Variants in NTM observed in about 807,000 individuals in gnomAD.
NTM encodes the protein IgLON family member 2.
Under a neutral mutation model 42.1 loss-of-function variants are expected in NTM, and 13 were observed. The ratio of observed to expected loss-of-function variants is 0.31; its 90% CI spans 0.20 to 0.49. The LOEUF is 0.49. Among genes scored for constraint, NTM ranks in the 20% least tolerant of loss-of-function variants. NTM has a pLI of 0.99. For synonymous variants in NTM, 187 were observed against 179.2 expected (o/e 1.04, Z -0.35); for missense variants, 373 against 452.8 (o/e 0.82, Z 1.60).
At chr11:131,615,660 G>A (rs992962059) in intron 1 of NTM, among the ~76,000 whole-genome samples, 3 of 152,148 alleles carry the variant, frequency 2.0e-5, no homozygotes, top group East Asian at 1.9e-4. Flanking sequence ...GTGAGCCACC[G>A]CACCCGGCCG....
intron 1 of NTM, among the ~76,000 whole-genome samples, chr11:131,890,758 G>A (rs553279433): frequency 6.6e-6 from 1 of 152,288 alleles, no homozygotes; most frequent in African/African-American, 2.4e-5. Flanking sequence ...TGCTGCTGAT[G>A]GTGCCACCCG....
chr11:131,598,226 A>G (rs532558761), intron 1 of NTM, among the ~76,000 whole-genome samples: 1 of 152,362 alleles, frequency 6.6e-6, no homozygotes, highest in African/African-American at 2.4e-5. Flanking sequence ...GAGATGCCTC[A>G]AGGGAATATT....
chr11:132,297,744 T>C (rs1449437), intron 4 of NTM, among the ~76,000 whole-genome samples: 39,460 of 151,982 alleles, frequency 0.26, 5,348 homozygotes, highest in African/African-American at 0.33. Flanking sequence ...ATGGATTTGG[T>C]TCTGCACCAT....
At chr11:131,401,824 A>ATATATATATATATATGTGTG (rs1945226389) in intron 1 of NTM, among the ~76,000 whole-genome samples, 1 of 64,120 alleles carries the variant, frequency 1.6e-5, no homozygotes, top group African/African-American at 5.8e-5. Context: ...ATATATATAT[A>ATATATATATATATATGTGTG]TATATATATA....
intron 1 of NTM, among the ~76,000 whole-genome samples, chr11:131,629,391 C>G (rs1221872427): frequency 6.6e-6 from 1 of 152,202 alleles, no homozygotes; most frequent in Non-Finnish European, 1.5e-5. Context: ...CACCACTGTT[C>G]CCAGCTTGCA....
intron 3 of NTM, among the ~76,000 whole-genome samples, chr11:132,153,961 T>A (rs2072569180): frequency 6.6e-6 from 1 of 152,208 alleles, no homozygotes; most frequent in Non-Finnish European, 1.5e-5. Context: ...ATGAGGGTCT[T>A]CAATGGGCAG....
At chr11:131,554,962 A>G (rs2055201252) in intron 1 of NTM, among the ~76,000 whole-genome samples, 1 of 152,158 alleles carries the variant, frequency 6.6e-6, no homozygotes, top group African/African-American at 2.4e-5. Flanking sequence ...TAAGCAAAAC[A>G]AAAGACCTTA....
intron 1 of NTM, among the ~76,000 whole-genome samples, chr11:131,700,594 T>C (rs2075973191): frequency 6.6e-6 from 1 of 152,226 alleles, no homozygotes; most frequent in Non-Finnish European, 1.5e-5. Flanking sequence ...GCCAGGCACA[T>C]ATTAATCCAT....
intron 1 of NTM, among the ~76,000 whole-genome samples, chr11:131,832,961 T>C (rs2043011972): frequency 6.6e-6 from 1 of 152,234 alleles, no homozygotes; most frequent in Non-Finnish European, 1.5e-5. Context: ...AATTGTGAAC[T>C]AATTTGCTCA....
At chr11:131,560,058 A>G (rs2056022320) in intron 1 of NTM, among the ~76,000 whole-genome samples, 2 of 152,254 alleles carry the variant, frequency 1.3e-5, no homozygotes, top group Admixed American at 6.5e-5. Flanking sequence ...ACAGCAAGTT[A>G]AAAAATGATT....
intron 3 of NTM, among the ~76,000 whole-genome samples, chr11:132,178,765 T>C (rs1283686781): frequency 6.6e-6 from 1 of 152,084 alleles, no homozygotes; most frequent in Non-Finnish European, 1.5e-5. Flanking sequence ...AAAAATGAAG[T>C]GAAAAAGAAT....
Position 132,289,637 on chromosome 11 carries a change from AAG to A in NTM, c.527-18048_527-18047del, listed in dbSNP as rs1205872606. On this transcript the variant is annotated intron_variant, in intron 4 of 8. Transcript: ENST00000683400. ...ACTCCAGGGAAAAGTGGTGAGAAGA[AAG>A]AGAAGAAAAAATGTAATAGGTATTC... is the stretch of plus-strand genomic sequence containing the variant. 2.0e-5 allele frequency among the ~76,000 whole-genome samples: 3 copies of A among 152,338 alleles called. 1 individual carries two copies. The highest frequency in any genetic ancestry group is 6.8e-3 in the Middle Eastern group (2 of 294).
At chr11:132,333,648 AT>A (rs1180553344) in intron 8 of NTM, among the ~76,000 whole-genome samples, 1 of 152,186 alleles carries the variant, frequency 6.6e-6, no homozygotes, top group Non-Finnish European at 1.5e-5. Context: ...GAGAATAAGT[AT>A]CCCCTGGGCT....
At chr11:131,775,438 A>G (rs866585587) in intron 1 of NTM, among the ~76,000 whole-genome samples, 8 of 152,194 alleles carry the variant, frequency 5.3e-5, no homozygotes, top group Middle Eastern at 3.2e-3. Context: ...CAAAGATGAG[A>G]TGACATTTTG....
chr11:132,282,418 A>G (rs2094008187), intron 4 of NTM, among the ~76,000 whole-genome samples: 2 of 152,208 alleles, frequency 1.3e-5, no homozygotes, highest in South Asian at 4.1e-4. Flanking sequence ...GTTTACACAA[A>G]GACACATTTT....
intron 2 of NTM, among the ~76,000 whole-genome samples, chr11:132,016,656 T>TC (rs1249008861): frequency 6.6e-6 from 1 of 152,110 alleles, no homozygotes; most frequent in East Asian, 1.9e-4. Flanking sequence ...ATTGTGGAGA[T>TC]CCCTAGGAGT....
intron 2 of NTM, among the ~76,000 whole-genome samples, chr11:132,086,090 C>T (rs527709278): frequency 5.3e-5 from 8 of 151,922 alleles, no homozygotes; most frequent in East Asian, 3.9e-4. Context: ...TTTGGGAGGC[C>T]GAGGTGGGTG....
intron 2 of NTM, among the ~76,000 whole-genome samples, chr11:132,065,274 A>C (rs1024706475): frequency 6.6e-6 from 1 of 152,014 alleles, no homozygotes; most frequent in Non-Finnish European, 1.5e-5. Context: ...GCTGCCCCCA[A>C]CTCCTCACCA....
At chr11:131,913,884 G>A (rs938366634) in intron 2 of NTM, among the ~76,000 whole-genome samples, 1 of 152,192 alleles carries the variant, frequency 6.6e-6, no homozygotes, top group African/African-American at 2.4e-5. Flanking sequence ...GATTAGATGA[G>A]CTAGGGTCTG....
Sources: gnomAD v4.1 joint callset for allele counts (sites outside exome capture counted in the v4.1 genomes callset) on GRCh38, gnomAD v4.1.1 for gene constraint, MANE v1.5 for transcripts, NCBI Gene and HGNC (gene_info 2026-07-23, HGNC 2026-07-21) for gene names.